Variants in RALYL observed in about 807,000 individuals in gnomAD.
RALYL encodes the protein RNA-binding Raly-like protein.
In RALYL, 29 loss-of-function variants were observed where a neutral mutation model predicts 35.1. That is an observed-to-expected ratio of 0.83 (90% confidence interval 0.61 to 1.13). The LOEUF (loss-of-function observed/expected upper bound fraction) is 1.13. Ranked by LOEUF, RALYL falls within the 50% of genes most tolerant of loss-of-function variation. The pLI is 0.00. For synonymous variants in RALYL, 120 were observed against 127.6 expected, an observed-to-expected ratio of 0.94 and a Z score of 0.40; for missense variants, 359 against 360.4, an observed-to-expected ratio of 1.00 and a Z score of 0.03.
intron 2 of RALYL, among the ~76,000 whole-genome samples, chr8:84,620,443 A>G (rs1199907244): frequency 6.6e-6 from 1 of 151,882 alleles, no homozygotes; most frequent in Admixed American, 6.6e-5. Flanking sequence ...TTGCAGCTCC[A>G]TCAGCTCCTT....
At chr8:84,835,502 TAA>T (rs35745516) in intron 4 of RALYL, among the ~76,000 whole-genome samples, 37,377 of 96,282 alleles carry the variant, frequency 0.39, 5,777 homozygotes, top group East Asian at 0.56. Flanking sequence ...CTGTCTCTAC[TAA>T]AAAAAAAAAA....
chr8:84,214,955 G>T (rs1820426724), intron 1 of RALYL, among the ~76,000 whole-genome samples: 1 of 151,424 alleles, frequency 6.6e-6, no homozygotes, highest in Admixed American at 6.6e-5. Context: ...ACCCAGGCTG[G>T]AGTTCAGTGG....
chr8:84,605,594 C>A (rs1172376125), intron 2 of RALYL, among the ~76,000 whole-genome samples: 1 of 152,090 alleles, frequency 6.6e-6, no homozygotes, highest in Admixed American at 6.6e-5. Context: ...CTGACTCAGG[C>A]AGATAGGTTC....
intron 2 of RALYL, among the ~76,000 whole-genome samples, chr8:84,632,150 A>G (rs1824052924): frequency 6.6e-6 from 1 of 151,902 alleles, no homozygotes; most frequent in Admixed American, 6.6e-5. Flanking sequence ...GACAGCTGGA[A>G]GATGCCGTCT....
chr8:84,352,205 T>C (rs1851033602), intron 1 of RALYL, among the ~76,000 whole-genome samples: 1 of 150,310 alleles, frequency 6.7e-6, no homozygotes, highest in South Asian at 2.1e-4. Flanking sequence ...GTAATATAAA[T>C]CCATTGCTAA....
chr8:84,672,741 A>G (rs989120875), intron 2 of RALYL, among the ~76,000 whole-genome samples: 4 of 152,160 alleles, frequency 2.6e-5, no homozygotes, highest in Non-Finnish European at 5.9e-5. Flanking sequence ...CATGAGACTT[A>G]TTCACTATCA....
Position 84,760,933 on chromosome 8 carries a change from A to G in RALYL, c.257-13646A>G, listed in dbSNP as rs79179794. Among the ~76,000 whole-genome samples, 282 of 152,208 alleles carry G rather than the reference A, an allele frequency of 1.9e-3. 8 individuals are homozygous for G. In the East Asian group the frequency reaches 0.049, roughly 27 times the overall value. ...TTGAGAATGCCTGTAACTGCATGAT[A>G]TCTACATTTGCTGAGACATTCAGAA... On this transcript the variant is annotated intron_variant, in intron 2 of 8. Transcript: ENST00000521268.
At chr8:84,746,688 G>A (rs1385345997) in intron 2 of RALYL, among the ~76,000 whole-genome samples, 2 of 151,820 alleles carry the variant, frequency 1.3e-5, no homozygotes, top group Non-Finnish European at 2.9e-5. Flanking sequence ...CCCTAAGATA[G>A]TTCAACATGA....
intron 1 of RALYL, among the ~76,000 whole-genome samples, chr8:84,286,244 C>T (rs1457857382): frequency 6.6e-6 from 1 of 152,100 alleles, no homozygotes; most frequent in Non-Finnish European, 1.5e-5. Flanking sequence ...TTTTAATTTA[C>T]ACAACTGAAA....
rs142370386 is a variant in RALYL, at chr8:84,677,140, G to A, written c.257-97439G>A. On this transcript the variant is annotated intron_variant, in intron 2 of 8. Transcript: ENST00000521268. ...TAAAGGAAGAAATGAAGAATTAAAGGAATGAAGAAGCCAAAAGATTTTATC... is the reference window on the plus strand; with the variant it reads ...TAAAGGAAGAAATGAAGAATTAAAGAAATGAAGAAGCCAAAAGATTTTATC... 4.0e-3 allele frequency among the ~76,000 whole-genome samples: 602 copies of A among 152,202 alleles called. 6 individuals carry two copies. Among genetic ancestry groups the A allele is most frequent in the African/African-American group, 0.013 (552 of 41,516 alleles).
intron 3 of RALYL, among the ~76,000 whole-genome samples, chr8:84,785,356 T>A (rs1390779258): frequency 1.3e-5 from 2 of 152,124 alleles, no homozygotes; most frequent in Admixed American, 1.3e-4. Context: ...ACTAATTAAG[T>A]GATTATAAAA....
At chr8:84,339,360 C>A (rs192446853) in intron 1 of RALYL, among the ~76,000 whole-genome samples, 95 of 152,086 alleles carry the variant, frequency 6.2e-4, no homozygotes, top group Admixed American at 1.4e-3. Context: ...GCATTACCAC[C>A]TGAGCTCTGC....
chr8:84,389,319 A>G lies in RALYL; in HGVS notation c.-23-139980A>G, dbSNP rs544094010. On this transcript the variant is annotated intron_variant, in intron 1 of 8. Coordinates refer to ENST00000521268, the MANE Select transcript of RALYL (RefSeq NM_173848.7). ...TCTTTTGGCTTAGGATTGACTTGGC[A>G]ATGCGGGCTCTTTTTTGGTTCCACA... 1.5e-3 allele frequency among the ~76,000 whole-genome samples: 224 copies of G among 152,122 alleles called. 2 individuals are homozygous for G. Among genetic ancestry groups the G allele is most frequent in the African/African-American group, 4.4e-3 (181 of 41,504 alleles).
At chr8:84,689,286 T>A (rs538752805) in intron 2 of RALYL, among the ~76,000 whole-genome samples, 22 of 152,204 alleles carry the variant, frequency 1.4e-4, no homozygotes, top group Admixed American at 5.2e-4. Context: ...TGTCCATGTG[T>A]TCTCATTGTT....
chr8:84,754,445 A>T (rs986232516), intron 2 of RALYL, among the ~76,000 whole-genome samples: 2 of 152,120 alleles, frequency 1.3e-5, no homozygotes, highest in South Asian at 4.1e-4. Context: ...CTCTACTTAG[A>T]CATTCCACTT....
chr8:84,338,306 T>TTTTACTTA (rs1848189380), intron 1 of RALYL, among the ~76,000 whole-genome samples: 1 of 151,974 alleles, frequency 6.6e-6, no homozygotes, highest in South Asian at 2.1e-4. Context: ...TTTAATATAT[T>TTTTACTTA]GTATTGTTTT....
chr8:84,869,811 C>A (rs1378399231), intron 6 of RALYL, among the ~76,000 whole-genome samples: 1 of 152,108 alleles, frequency 6.6e-6, no homozygotes, highest in East Asian at 1.9e-4. Flanking sequence ...ATATTTTTGG[C>A]CACATAAGTC....
chr8:84,490,482 C>A (rs1219845709), intron 1 of RALYL, among the ~76,000 whole-genome samples: 1 of 151,790 alleles, frequency 6.6e-6, no homozygotes, highest in Non-Finnish European at 1.5e-5. Flanking sequence ...TTTAATACTT[C>A]CTTTGGACAC....
At chr8:84,309,095 A>G (rs1197676091) in intron 1 of RALYL, among the ~76,000 whole-genome samples, 4 of 151,546 alleles carry the variant, frequency 2.6e-5, no homozygotes, top group African/African-American at 9.7e-5. Flanking sequence ...AGCAAAAACC[A>G]TAGGAAAAAA....
Sources: allele counts gnomAD v4.1 joint callset (sites outside exome capture counted in the v4.1 genomes callset), GRCh38; gene constraint gnomAD v4.1.1; transcripts MANE v1.5; gene names NCBI Gene and HGNC (gene_info 2026-07-23, HGNC 2026-07-21).